Variants in C1orf87 observed in about 807,000 individuals in gnomAD.
C1orf87 encodes uncharacterized protein C1orf87.
Under a neutral mutation model 60.5 loss-of-function variants are expected in C1orf87, and 58 were observed. The ratio of observed to expected loss-of-function variants is 0.96; its 90% CI spans 0.78 to 1.19. C1orf87 has a LOEUF of 1.19. C1orf87 is among the 50% of genes most tolerant of loss of function. The pLI, the probability that C1orf87 is intolerant of heterozygous loss-of-function variation, is 0.00. For synonymous variants in C1orf87, 236 were observed against 227.4 expected (o/e 1.04, Z -0.34); for missense variants, 673 against 638.6 (o/e 1.05, Z -0.58).
chr1:59,997,870 A>T, intron 10 of C1orf87, 54 bp from the exon 11 acceptor site: 3 of 1,553,734 alleles, frequency 1.9e-6, no homozygotes, highest in Non-Finnish European at 2.6e-6. Flanking sequence ...AGCTTCTCCA[A>T]TCTCTTGGCC....
At chr1:60,033,026 G>A (rs1645250227) in intron 7 of C1orf87, among the ~76,000 whole-genome samples, 1 of 152,138 alleles carries the variant, frequency 6.6e-6, no homozygotes, top group Admixed American at 6.5e-5. Flanking sequence ...CTTCCATGAA[G>A]CACATCTGCA....
chr1:60,060,751 C>T (rs1186491345), intron 2 of C1orf87, among the ~76,000 whole-genome samples: 1 of 152,068 alleles, frequency 6.6e-6, no homozygotes, highest in Non-Finnish European at 1.5e-5. Flanking sequence ...CAATCACATT[C>T]CTTAATTGTG....
chr1:60,028,703 T>G (rs949632482), intron 7 of C1orf87, among the ~76,000 whole-genome samples: 1 of 152,226 alleles, frequency 6.6e-6, no homozygotes, highest in Non-Finnish European at 1.5e-5. Context: ...CTGCTTAAAC[T>G]CTGTTTACCA....
intron 2 of C1orf87, among the ~76,000 whole-genome samples, chr1:60,058,408 T>C (rs1020163619): frequency 6.6e-6 from 1 of 152,188 alleles, no homozygotes; most frequent in Non-Finnish European, 1.5e-5. Context: ...AAAATTTACA[T>C]AAGTTATATG....
intron 2 of C1orf87, among the ~76,000 whole-genome samples, chr1:60,064,707 A>C (rs1426959537): frequency 9.8e-6 from 1 of 101,898 alleles, no homozygotes; most frequent in Non-Finnish European, 1.8e-5. Flanking sequence ...ATATTATTTC[A>C]ATATATATAA....
chr1:60,040,785 G>A (rs907115671), intron 4 of C1orf87, among the ~76,000 whole-genome samples: 7 of 147,398 alleles, frequency 4.7e-5, no homozygotes, highest in Admixed American at 4.7e-4. Flanking sequence ...TAGAGATGGG[G>A]TCTCACTATG....
At chr1:59,992,263 T>C (rs766122176) in intron 11 of C1orf87, among the ~76,000 whole-genome samples, 1 of 150,860 alleles carries the variant, frequency 6.6e-6, no homozygotes, top group Non-Finnish European at 1.5e-5. Context: ...TATTTATTTA[T>C]TTTTTATTTT....
intron 9 of C1orf87, among the ~76,000 whole-genome samples, chr1:60,002,137 T>C (rs1450862792): frequency 2.0e-5 from 3 of 152,126 alleles, no homozygotes; most frequent in Admixed American, 1.3e-4. Context: ...TATTTCTAAA[T>C]TGAGTCTCAC....
chr1:60,003,907 A>G (rs936558339), intron 9 of C1orf87, among the ~76,000 whole-genome samples: 3 of 152,068 alleles, frequency 2.0e-5, no homozygotes, highest in African/African-American at 7.2e-5. Flanking sequence ...GATGCTATAT[A>G]GAGCAAACCT....
chr1:60,040,175 A>G lies in C1orf87; in HGVS notation c.489T>C (p.Ile163=). 1 of 1,612,070 alleles carries G rather than the reference A, an allele frequency of 6.2e-7. No homozygotes were observed. The highest frequency in any genetic ancestry group is 8.5e-7 in the Non-Finnish European group (1 of 1,179,510). ...VRGSSDQPED[I]GQSPSGTTNE... The stretch of plus-strand genomic sequence containing the variant: ...TTGTTGTCCCACTTGGGCTCTGGCC[A>G]ATATCCTAACACAACAATGAAAAAC... Residue 163 remains isoleucine, a synonymous_variant, in exon 5 of 12, where the codon ATT becomes ATC. Coordinates refer to ENST00000371201, the MANE Select transcript of C1orf87 (RefSeq NM_152377.3).
intron 3 of C1orf87, among the ~76,000 whole-genome samples, chr1:60,041,570 A>T (rs1412436781): frequency 6.6e-6 from 1 of 152,228 alleles, no homozygotes; most frequent in African/African-American, 2.4e-5. Context: ...TCTAGGAGTA[A>T]TGTCACTAAA....
chr1:60,010,376 A>C lies in C1orf87; in HGVS notation c.1192+16T>G. On this transcript the variant is annotated intron_variant, in intron 9 of 11. Transcript: ENST00000371201. The stretch of plus-strand genomic sequence containing the variant: ...AATGGAAGGTCTCTCTGGAGCAAAA[A>C]AATAATGGAACTCACCTGTAGGCAA... 1 of 1,609,452 alleles carries C rather than the reference A, an allele frequency of 6.2e-7. No individual in the cohort carries two copies. Among genetic ancestry groups the C allele is most frequent in the Non-Finnish European group, 8.5e-7 (1 of 1,176,624 alleles).
chr1:60,009,786 A>C (rs1243055227), intron 9 of C1orf87, among the ~76,000 whole-genome samples: 1 of 152,072 alleles, frequency 6.6e-6, no homozygotes, highest in East Asian at 1.9e-4. Context: ...AAACTTGCTA[A>C]TTGCTAAATA....
In C1orf87 at chr1:60,020,863, T is replaced by C. The variant is rs941866133; in HGVS notation, c.1127+4538A>G. On this transcript the variant is annotated intron_variant, in intron 8 of 11. Transcript: ENST00000371201. ...TTGGGAGGACCTGGGGGCAGAATGATATTGTTTGGCTCTGTGTTCCCACCC... is the reference window on the plus strand; with the variant it reads ...TTGGGAGGACCTGGGGGCAGAATGACATTGTTTGGCTCTGTGTTCCCACCC... 4.6e-5 allele frequency among the ~76,000 whole-genome samples: 7 copies of C among 152,154 alleles called. 1 individual carries two copies. Among genetic ancestry groups the C allele is most frequent in the South Asian group, 4.1e-4 (2 of 4,822 alleles).
chr1:60,070,104 A>G (rs1645574413), intron 2 of C1orf87, among the ~76,000 whole-genome samples: 1 of 152,202 alleles, frequency 6.6e-6, no homozygotes, highest in African/African-American at 2.4e-5. Flanking sequence ...TCTGGCCTCT[A>G]GAACTTGAGA....
intron 2 of C1orf87, among the ~76,000 whole-genome samples, chr1:60,064,894 A>G (rs1190151906): frequency 4.3e-5 from 4 of 93,532 alleles, no homozygotes; most frequent in African/African-American, 1.8e-4. Context: ...AAATAAATAT[A>G]TATTCTAAAT....
At chr1:60,025,288 A>AC in intron 8 of C1orf87, 113 bp downstream of exon 8, 2 of 769,930 alleles carry the variant, frequency 2.6e-6, no homozygotes, top group South Asian at 3.6e-5. Context: ...AAACCTAATC[A>AC]CCTCCCAAAC....
At chr1:60,009,611 T>G (rs1645068686) in intron 9 of C1orf87, among the ~76,000 whole-genome samples, 1 of 151,930 alleles carries the variant, frequency 6.6e-6, no homozygotes, top group Non-Finnish European at 1.5e-5. Flanking sequence ...TACAGACTGA[T>G]ATATTTAATC....
intron 8 of C1orf87, among the ~76,000 whole-genome samples, chr1:60,024,003 C>T (rs1024973520): frequency 1.3e-5 from 2 of 152,226 alleles, no homozygotes; most frequent in East Asian, 1.9e-4. Flanking sequence ...CCTTATCTTT[C>T]ATTATGTTCA....
Sources: gnomAD v4.1 joint callset for allele counts (sites outside exome capture counted in the v4.1 genomes callset) on GRCh38, gnomAD v4.1.1 for gene constraint, MANE v1.5 for transcripts, NCBI Gene and HGNC (gene_info 2026-07-23, HGNC 2026-07-21) for gene names.